Variants in BARX2 observed in about 807,000 individuals in gnomAD.
BARX2 encodes the protein homeobox protein BarH-like 2.
In BARX2, 11 loss-of-function variants were observed where a neutral mutation model predicts 25.5. The observed-to-expected ratio is 0.43, with a 90% confidence interval of 0.27 to 0.71. The LOEUF (loss-of-function observed/expected upper bound fraction) is 0.71. Ranked by LOEUF, BARX2 falls within the 30% of genes least tolerant of loss-of-function variation. The pLI is 0.19. For synonymous variants in BARX2, 137 were observed against 149.5 expected (o/e 0.92, Z 0.61); for missense variants, 360 against 359.9 (o/e 1.00, Z 0.00).
intron 3 of BARX2, among the ~76,000 whole-genome samples, chr11:129,447,855 G>A (rs949971968): frequency 2.0e-5 from 3 of 152,152 alleles, no homozygotes; most frequent in African/African-American, 4.8e-5. Flanking sequence ...CTTTCATACT[G>A]AGTGGATCTG....
Position 129,435,077 on chromosome 11 carries a change from C to T in BARX2, c.188-1674C>T, listed in dbSNP as rs137858837. 8.9e-4 allele frequency among the ~76,000 whole-genome samples: 136 copies of T among 152,264 alleles called. 1 individual carries two copies. In the East Asian group the frequency reaches 0.021, roughly 23 times the overall value. On this transcript the variant is annotated intron_variant, in intron 1 of 3. Coordinates refer to ENST00000281437, the MANE Select transcript of BARX2 (RefSeq NM_003658.5). The stretch of plus-strand genomic sequence containing the variant: ...GAGTAAGGTGATTTAAGATGAGAAA[C>T]ATCTTATGCCTTTTTAAGAAGCTTC...
chr11:129,433,744 T>C (rs927660794), intron 1 of BARX2, among the ~76,000 whole-genome samples: 6 of 152,148 alleles, frequency 3.9e-5, no homozygotes, highest in Non-Finnish European at 8.8e-5. Flanking sequence ...CCCTGACTCC[T>C]CATCCCCAAT....
intron 1 of BARX2, among the ~76,000 whole-genome samples, chr11:129,403,358 A>C (rs1237815846): frequency 6.6e-6 from 1 of 152,210 alleles, no homozygotes; most frequent in African/African-American, 2.4e-5. Flanking sequence ...GGCTTGTGTG[A>C]AATCTAGATG....
chr11:129,391,283 G>A (rs1861663360), intron 1 of BARX2, among the ~76,000 whole-genome samples: 1 of 152,158 alleles, frequency 6.6e-6, no homozygotes. Context: ...CGTGACCTGT[G>A]AAAATTATGT....
intron 1 of BARX2, among the ~76,000 whole-genome samples, chr11:129,397,928 AC>A (rs1318689994): frequency 6.6e-6 from 1 of 152,244 alleles, no homozygotes; most frequent in Non-Finnish European, 1.5e-5. Context: ...TATGTTGAAT[AC>A]AGCTGAACAT....
chr11:129,422,960 C>A (rs148080043), intron 1 of BARX2, among the ~76,000 whole-genome samples: 187 of 151,990 alleles, frequency 1.2e-3, no homozygotes, highest in African/African-American at 4.3e-3. Flanking sequence ...GCCTTGGCCT[C>A]CCAAAGTGCT....
chr11:129,418,887 A>G lies in BARX2; in HGVS notation c.188-17864A>G, dbSNP rs1384743112. 2.6e-5 allele frequency among the ~76,000 whole-genome samples: 4 copies of G among 152,374 alleles called. No homozygotes were observed. In the East Asian group the frequency reaches 5.8e-4, roughly 22 times the overall value. ...GTTGTACAGAAAGTCCTCAAACAAC[A>G]TCGTTTCATTCAATGTTGTTTCATT... On this transcript the variant is annotated intron_variant, in intron 1 of 3. Coordinates refer to ENST00000281437, the MANE Select transcript of BARX2 (RefSeq NM_003658.5).
rs558143311 is a variant in BARX2, at chr11:129,390,390, A to G, written c.187+14168A>G. Among the ~76,000 whole-genome samples, 3 of 152,258 alleles carry G rather than the reference A, an allele frequency of 2.0e-5. No homozygotes were observed. In the East Asian group the frequency reaches 5.8e-4, roughly 29 times the overall value. The stretch of plus-strand genomic sequence containing the variant: ...GAACCATAGAGTCTGAGTTTTCTGA[A>G]TTGTTGAAAATAGGACTCAGTCAGA... On this transcript the variant is annotated intron_variant, in intron 1 of 3. Transcript: ENST00000281437. The surrounding 1 kb of genome is among the most constrained non-coding windows in gnomAD (Gnocchi z 4.3).
intron 1 of BARX2, among the ~76,000 whole-genome samples, chr11:129,409,511 T>C (rs1861866067): frequency 1.3e-5 from 2 of 152,184 alleles, no homozygotes; most frequent in African/African-American, 2.4e-5. Context: ...GAACATCTTT[T>C]AGATGACGTG....
At chr11:129,397,652 T>C (rs1565511564) in intron 1 of BARX2, among the ~76,000 whole-genome samples, 1 of 152,232 alleles carries the variant, frequency 6.6e-6, no homozygotes, top group Non-Finnish European at 1.5e-5. Flanking sequence ...ATGATGGTGA[T>C]GTGAGCGTCA....
intron 1 of BARX2, among the ~76,000 whole-genome samples, chr11:129,433,589 T>TG (rs1183181938): frequency 3.3e-5 from 5 of 152,228 alleles, no homozygotes; most frequent in African/African-American, 1.2e-4. Context: ...GCCTTTCTGC[T>TG]GGTCTTTCAA....
At chr11:129,396,479 C>G (rs1191403061) in intron 1 of BARX2, among the ~76,000 whole-genome samples, 3 of 151,762 alleles carry the variant, frequency 2.0e-5, no homozygotes, top group Non-Finnish European at 4.4e-5. Flanking sequence ...TCTCTTCCAG[C>G]TTGGGAATTC....
chr11:129,442,516 C>G lies in BARX2; in HGVS notation c.489-319C>G, dbSNP rs755467843. ...GGGCCAGAGGGTCAGAGTGAATGCT[C>G]TTGTCAAGCCAGGAAAAGGACTGTG... On this transcript the variant is annotated intron_variant, in intron 2 of 3. Coordinates refer to ENST00000281437, the MANE Select transcript of BARX2 (RefSeq NM_003658.5). Among the ~76,000 whole-genome samples the G allele has an allele frequency of 2.6e-5, 4 of 152,240 alleles. No individual in the cohort carries two copies. In the South Asian group the frequency reaches 8.3e-4, roughly 32 times the overall value.
intron 1 of BARX2, among the ~76,000 whole-genome samples, chr11:129,388,008 T>G (rs1436971962): frequency 6.6e-6 from 1 of 152,144 alleles, no homozygotes; most frequent in Non-Finnish European, 1.5e-5. Flanking sequence ...ATCTGTCTCT[T>G]TCAATATAGA....
chr11:129,444,178 AG>A (rs1386066169), intron 3 of BARX2, among the ~76,000 whole-genome samples: 1 of 152,052 alleles, frequency 6.6e-6, no homozygotes, highest in Non-Finnish European at 1.5e-5. Context: ...TTTTTTCTTA[AG>A]CTTTTAGTTC....
intron 2 of BARX2, among the ~76,000 whole-genome samples, chr11:129,441,490 C>T (rs745789942): frequency 1.2e-4 from 18 of 152,200 alleles, no homozygotes; most frequent in Non-Finnish European, 2.2e-4. Context: ...ACTCCATTGC[C>T]TAGGCTGCAG....
chr11:129,392,794 A>G (rs1392229763), intron 1 of BARX2, among the ~76,000 whole-genome samples: 2 of 151,970 alleles, frequency 1.3e-5, no homozygotes, highest in African/African-American at 2.4e-5. Context: ...GTATTTTAGT[A>G]GAGACGGGGT....
At chr11:129,392,815 T>C (rs1861679180) in intron 1 of BARX2, among the ~76,000 whole-genome samples, 1 of 152,122 alleles carries the variant, frequency 6.6e-6, no homozygotes, top group African/African-American at 2.4e-5. Context: ...CTTGTCATGT[T>C]GCCCAGGCTG....
chr11:129,440,253 T>G (rs1862241255), intron 2 of BARX2, among the ~76,000 whole-genome samples: 1 of 152,256 alleles, frequency 6.6e-6, no homozygotes, highest in Non-Finnish European at 1.5e-5. Flanking sequence ...GAAGCATGTT[T>G]CTGTAGCCAG....
Sources: gnomAD v4.1 joint callset for allele counts (sites outside exome capture counted in the v4.1 genomes callset) on GRCh38, gnomAD v4.1.1 for gene constraint, Gnocchi (gnomAD v3.1) non-coding constraint, MANE v1.5 for transcripts, NCBI Gene and HGNC (gene_info 2026-07-23, HGNC 2026-07-21) for gene names.